The following SNTB2 variants were observed in gnomAD, a reference collection of about 807,000 sequenced individuals.
SNTB2 encodes syntrophin beta 2.
In SNTB2, 34 loss-of-function variants were observed where a neutral mutation model predicts 46.2. The observed-to-expected ratio is 0.74, with a 90% confidence interval of 0.56 to 0.98. SNTB2 has a LOEUF of 0.98. Among genes scored for constraint, SNTB2 ranks in the 50% least tolerant of loss-of-function variants. SNTB2 has a pLI of 0.00. For synonymous variants in SNTB2, 290 were observed against 312.6 expected, an observed-to-expected ratio of 0.93 and a Z score of 0.76; for missense variants, 603 against 731.4, an observed-to-expected ratio of 0.82 and a Z score of 2.02.
chr16:69,191,766 A>G (rs554846087), intron 1 of SNTB2, among the ~76,000 whole-genome samples: 22 of 151,844 alleles, frequency 1.4e-4, no homozygotes, highest in South Asian at 4.2e-4. Flanking sequence ...TCAGCCTCCC[A>G]AGTAGCTGGG....
chr16:69,245,983 G>A (rs1483109221), intron 2 of SNTB2, among the ~76,000 whole-genome samples, 168 bp downstream of exon 2: 5 of 152,104 alleles, frequency 3.3e-5, no homozygotes, highest in African/African-American at 4.8e-5. Context: ...ATATATACAT[G>A]TATATGTGTA....
intron 2 of SNTB2, among the ~76,000 whole-genome samples, chr16:69,250,102 A>T (rs1438585458): frequency 6.6e-6 from 1 of 152,206 alleles, no homozygotes; most frequent in Non-Finnish European, 1.5e-5. Context: ...TAAAAATAAA[A>T]AATTTTGCAA....
chr16:69,245,141 A>G (rs895689064), intron 1 of SNTB2, among the ~76,000 whole-genome samples: 3 of 152,198 alleles, frequency 2.0e-5, no homozygotes, highest in Admixed American at 6.5e-5. Context: ...CTTAGAATCT[A>G]TCTCCAGGGG....
intron 4 of SNTB2, among the ~76,000 whole-genome samples, chr16:69,281,496 TTTG>T (rs1405320877): frequency 2.3e-4 from 31 of 136,548 alleles, no homozygotes; most frequent in African/African-American, 7.7e-4. Context: ...TTTTTTTTTT[TTTG>T]TTTTTTTTTT....
At position 69,292,370 on chromosome 16, in the gene SNTB2, ATATATATATT is replaced by A. The variant is rs1965170575; in HGVS notation, c.1346-7219_1346-7210del. On this transcript the variant is annotated intron_variant, in intron 5 of 6. Transcript: ENST00000336278. ...CCTTATTTTTTATATATATATATATATATATATATTATATATATATTATATATATATATAT... is the reference window on the plus strand; with the variant it reads ...CCTTATTTTTTATATATATATATATAATATATATATTATATATATATATAT... Among the ~76,000 whole-genome samples, 8 of 33,092 alleles carry A rather than the reference ATATATATATT, an allele frequency of 2.4e-4. 1 individual carries two copies. Among genetic ancestry groups the A allele is most frequent in the African/African-American group, 9.0e-4 (8 of 8,908 alleles). 21.7% of individuals were successfully genotyped at this position (33,092 alleles called of 152,430 possible). A position where few individuals can be genotyped will look rare whatever the true frequency, so the allele number is the denominator to read the frequency against.
intron 1 of SNTB2, among the ~76,000 whole-genome samples, chr16:69,198,940 G>T (rs145219487): frequency 4.2e-5 from 6 of 142,686 alleles, no homozygotes; most frequent in Non-Finnish European, 9.0e-5. Context: ...CTTGTTGCTC[G>T]GGCTGGAGTG....
intron 3 of SNTB2, among the ~76,000 whole-genome samples, chr16:69,261,704 T>G (rs1964836172): frequency 2.0e-5 from 3 of 152,202 alleles, no homozygotes. Context: ...TGAATAGTAA[T>G]TGTTCTGTGC....
chr16:69,201,345 G>A (rs1417843333), intron 1 of SNTB2, among the ~76,000 whole-genome samples: 2 of 152,184 alleles, frequency 1.3e-5, no homozygotes, highest in Non-Finnish European at 2.9e-5. Context: ...CTTATAACTT[G>A]TAAAACTCTC....
intron 5 of SNTB2, among the ~76,000 whole-genome samples, chr16:69,290,638 G>T (rs561405900): frequency 6.0e-4 from 92 of 152,200 alleles, no homozygotes; most frequent in Middle Eastern, 6.8e-3. Context: ...GCTTTTACTA[G>T]CTATAATAAA....
Position 69,308,529 on chromosome 16 carries a change from C to A in SNTB2, c.*7605C>A, listed in dbSNP as rs993033693. On this transcript the variant is annotated 3_prime_UTR_variant, in exon 7 of 7. Transcript: ENST00000336278. ...ACCTTGGTGCCCAGAAAAATCTGTC[C>A]TTTTTGGTACCAAACCTGAGGTCTT... The A allele has an allele frequency of 1.3e-5, 2 of 152,120 alleles. No individual in the cohort carries two copies. Among genetic ancestry groups the A allele is most frequent in the African/African-American group, 4.8e-5 (2 of 41,436 alleles). 9.4% of individuals were successfully genotyped at this position (152,120 alleles called of 1,614,324 possible).
chr16:69,246,484 T>C (rs1431296955), intron 2 of SNTB2, among the ~76,000 whole-genome samples: 2 of 148,874 alleles, frequency 1.3e-5, no homozygotes, highest in Admixed American at 6.8e-5. Context: ...TGAGGATTTT[T>C]GCATCAATGT....
At chr16:69,217,916 A>G (rs1964363988) in intron 1 of SNTB2, among the ~76,000 whole-genome samples, 1 of 152,216 alleles carries the variant, frequency 6.6e-6, no homozygotes, top group East Asian at 1.9e-4. Context: ...GTTGGACTGA[A>G]TTATTACTGA....
At chr16:69,262,545 C>T (rs768939115) in intron 3 of SNTB2, among the ~76,000 whole-genome samples, 2 of 151,366 alleles carry the variant, frequency 1.3e-5, no homozygotes, top group Admixed American at 6.6e-5. Flanking sequence ...TTATGGGATA[C>T]GGTATAATGT....
At chr16:69,247,947 G>T (rs967344253) in intron 2 of SNTB2, among the ~76,000 whole-genome samples, 1 of 151,912 alleles carries the variant, frequency 6.6e-6, no homozygotes, top group African/African-American at 2.4e-5. Context: ...GTGAGACCTC[G>T]CCTCTACAGG....
At chr16:69,275,228 A>G (rs984890378) in intron 4 of SNTB2, among the ~76,000 whole-genome samples, 3 of 151,926 alleles carry the variant, frequency 2.0e-5, no homozygotes, top group African/African-American at 7.2e-5. Context: ...ATAAGCCACT[A>G]TGCCAGGTTA....
chr16:69,264,730 A>G (rs1964868886), intron 3 of SNTB2, among the ~76,000 whole-genome samples: 1 of 152,220 alleles, frequency 6.6e-6, no homozygotes, highest in Non-Finnish European at 1.5e-5. Flanking sequence ...GAACCAGTAG[A>G]AGAAACTGAA....
At position 69,308,958 on chromosome 16, in the gene SNTB2, T is replaced by G. The variant is rs916106981; in HGVS notation, c.*8034T>G. ...CACATCAACATACAGCATTGTACAT[T>G]ACAATGAAAATGTGTAACTTAAGGG... On this transcript the variant is annotated 3_prime_UTR_variant, in exon 7 of 7. Coordinates refer to ENST00000336278, the MANE Select transcript of SNTB2 (RefSeq NM_006750.4). 3 of 152,546 alleles carry G rather than the reference T, an allele frequency of 2.0e-5. No homozygotes were observed. In the East Asian group the frequency reaches 5.8e-4, roughly 29 times the overall value. The allele number at this position is 152,546 out of a possible 1,614,324, so 9.4% of individuals were successfully genotyped here.
chr16:69,282,656 G>A (rs1291703751), intron 4 of SNTB2, among the ~76,000 whole-genome samples: 1 of 141,524 alleles, frequency 7.1e-6, no homozygotes, highest in African/African-American at 2.7e-5. Flanking sequence ...TAATGGGATG[G>A]CATTGAATCT....
At chr16:69,201,213 C>T (rs1177030162) in intron 1 of SNTB2, among the ~76,000 whole-genome samples, 1 of 152,118 alleles carries the variant, frequency 6.6e-6, no homozygotes, top group Non-Finnish European at 1.5e-5. Flanking sequence ...GGCTTCTTTA[C>T]CTTTTATTTA....
Sources: gnomAD v4.1 joint callset for allele counts (sites outside exome capture counted in the v4.1 genomes callset) on GRCh38, gnomAD v4.1.1 for gene constraint, MANE v1.5 for transcripts, NCBI Gene and HGNC (gene_info 2026-07-23, HGNC 2026-07-21) for gene names.